PGM2: variants seen among roughly 807,000 people sequenced by gnomAD.
PGM2 encodes phosphoglucomutase 2.
PGM2 carries 57 observed loss-of-function variants against 74.6 expected under a neutral mutation model. The ratio of observed to expected loss-of-function variants is 0.76; its 90% confidence interval spans 0.62 to 0.95. The LOEUF (loss-of-function observed/expected upper bound fraction) is 0.95, where lower values mean the gene tolerates loss of function less well. PGM2 is among the 40% of genes least tolerant of loss of function. The probability of loss-of-function intolerance (pLI) is 0.00; values close to 1 mark genes in which losing one functional copy is unlikely to be tolerated. For synonymous variants in PGM2, 273 were observed against 260.7 expected, an observed-to-expected ratio of 1.05 and a Z score of -0.46; for missense variants, 706 against 741.9, an observed-to-expected ratio of 0.95 and a Z score of 0.56.
chr4:37,839,954 C>T (rs771791326), intron 5 of PGM2, 23 bp downstream of exon 5: 2 of 1,496,194 alleles, frequency 1.3e-6, no homozygotes, highest in African/African-American at 1.4e-5. Flanking sequence ...TTCTACTCCA[C>T]ACGTACATCC....
chr4:37,829,224 A>G (rs1725374412), intron 1 of PGM2, among the ~76,000 whole-genome samples: 1 of 152,162 alleles, frequency 6.6e-6, no homozygotes, highest in Non-Finnish European at 1.5e-5. Flanking sequence ...ACTTAAATGA[A>G]TCATGTTAGC....
chr4:37,848,056 A>AT (rs1577679826), intron 10 of PGM2, among the ~76,000 whole-genome samples: 1 of 152,206 alleles, frequency 6.6e-6, no homozygotes, highest in East Asian at 1.9e-4. Flanking sequence ...TTTATCAAGT[A>AT]TTAATTGCAT....
Position 37,861,849 on chromosome 4 carries a change from G to A in PGM2, c.*237G>A, listed in dbSNP as rs1360991942. 5.3e-6 allele frequency: 2 copies of A among 374,976 alleles called. No homozygotes were observed. The highest frequency in any genetic ancestry group is 4.9e-6 in the Non-Finnish European group (1 of 202,334). 23.2% of individuals were successfully genotyped at this position (374,976 alleles called of 1,614,324 possible). A position where few individuals can be genotyped will look rare whatever the true frequency, so the allele number is the denominator to read the frequency against. ...GAGCTTGGACATATTTTGAATTTTT[G>A]TAAGTGAAGATTTTTAAACTGACTA... On this transcript the variant is annotated 3_prime_UTR_variant, in exon 14 of 14. Transcript: ENST00000381967.
intron 12 of PGM2, among the ~76,000 whole-genome samples, chr4:37,852,934 G>A (rs1726092870): frequency 6.6e-6 from 1 of 152,124 alleles, no homozygotes; most frequent in Admixed American, 6.5e-5. Flanking sequence ...TATCAGGAAA[G>A]GGAGCTAATT....
chr4:37,845,940 T>C (rs1725858965), intron 8 of PGM2, among the ~76,000 whole-genome samples: 1 of 152,190 alleles, frequency 6.6e-6, no homozygotes, highest in African/African-American at 2.4e-5. Context: ...GCAAGCATAA[T>C]GCAGAGTAAA....
chr4:37,851,808 C>T (rs1726047070), intron 12 of PGM2, among the ~76,000 whole-genome samples: 2 of 152,186 alleles, frequency 1.3e-5, no homozygotes, highest in African/African-American at 4.8e-5. Flanking sequence ...TCCCCATCCT[C>T]ACAGTACGTT....
Position 37,849,404 on chromosome 4 carries a change from CTTTTTTTTTTTT to C in PGM2, c.1413-765_1413-754del, listed in dbSNP as rs34587864. Among the ~76,000 whole-genome samples the C allele has an allele frequency of 2.1e-4, 13 of 62,806 alleles. No individual in the cohort carries two copies. In the East Asian group the frequency reaches 2.1e-3, roughly 10 times the overall value. 41.2% of individuals were successfully genotyped at this position (62,806 alleles called of 152,430 possible). On this transcript the variant is annotated intron_variant, in intron 11 of 13. Transcript: ENST00000381967. ...ATCCCTGGGGTAGATTGTTGGACCT[CTTTTTTTTTTTT>C]TTTTTTTTTTTTTTGAGACGGGGTC...
At chr4:37,851,970 C>CTTTTTT (rs1553886914) in intron 12 of PGM2, among the ~76,000 whole-genome samples, 2 of 135,002 alleles carry the variant, frequency 1.5e-5, no homozygotes, top group African/African-American at 5.4e-5. Flanking sequence ...TGTTTGTTTT[C>CTTTTTT]TTTTTTTTTG....
In PGM2 at chr4:37,862,644, T is replaced by G. The variant is rs1711816813; in HGVS notation, c.*1032T>G. On this transcript the variant is annotated 3_prime_UTR_variant, in exon 14 of 14. Transcript: ENST00000381967. The stretch of plus-strand genomic sequence containing the variant: ...AGGATCAAACTTTCTTTATATACTT[T>G]ATATATTTTACATTATTTCTGATTT... The G allele has an allele frequency of 6.6e-6, 1 of 152,152 alleles. No individual in the cohort carries two copies. The highest frequency in any genetic ancestry group is 6.6e-5 in the Admixed American group (1 of 15,244). 9.4% of individuals were successfully genotyped at this position (152,152 alleles called of 1,614,324 possible).
intron 7 of PGM2, 147 bp from the exon 8 acceptor site, chr4:37,845,486 C>T (rs1276657401): frequency 1.6e-5 from 9 of 565,994 alleles, no homozygotes; most frequent in Admixed American, 3.0e-5. Context: ...TGCTAAATTT[C>T]ACTTCTGGAG....
At chr4:37,852,246 G>A (rs1054125988) in intron 12 of PGM2, among the ~76,000 whole-genome samples, 5 of 149,366 alleles carry the variant, frequency 3.3e-5, no homozygotes, top group South Asian at 4.3e-4. Context: ...GATTACAGGC[G>A]TAAGCTACTG....
intron 4 of PGM2, among the ~76,000 whole-genome samples, chr4:37,838,334 T>G (rs1725623540): frequency 6.6e-6 from 1 of 152,240 alleles, no homozygotes; most frequent in African/African-American, 2.4e-5. Flanking sequence ...AAATGTTTTA[T>G]TCTAAATACT....
intron 13 of PGM2, 82 bp downstream of exon 13, chr4:37,855,823 C>A (rs943114059): frequency 6.8e-6 from 8 of 1,175,446 alleles, no homozygotes; most frequent in South Asian, 5.6e-5. Flanking sequence ...GTGAAATGTT[C>A]CATCTTTCTA....
Position 37,850,388 on chromosome 4 carries a change from C to G in PGM2, c.1602+15C>G, listed in dbSNP as rs754273230. 72 of 1,358,886 alleles carry G rather than the reference C, an allele frequency of 5.3e-5. No individual in the cohort carries two copies. The Admixed American group carries it at 1.5e-3, about 28-fold the overall frequency. The allele number at this position is 1,358,886 out of a possible 1,614,324, so 84.2% of individuals were successfully genotyped here. A position where few individuals can be genotyped will look rare whatever the true frequency, so the allele number is the denominator to read the frequency against. The stretch of plus-strand genomic sequence containing the variant: ...ATAAAAAAGCTGTAAGTAATGTCTT[C>G]TCTTTTCAACTAACCTCTTTTCTAT... On this transcript the variant is annotated intron_variant, in intron 12 of 13. Coordinates refer to ENST00000381967, the MANE Select transcript of PGM2 (RefSeq NM_018290.4).
chr4:37,838,101 G>A (rs1332247580), intron 4 of PGM2, among the ~76,000 whole-genome samples: 1 of 152,080 alleles, frequency 6.6e-6, no homozygotes, highest in African/African-American at 2.4e-5. Context: ...CGCTAGTCTC[G>A]AACTCCTGGC....
chr4:37,857,011 A>G (rs144346163), intron 13 of PGM2, among the ~76,000 whole-genome samples: 5 of 152,264 alleles, frequency 3.3e-5, no homozygotes, highest in African/African-American at 1.2e-4. Context: ...GCATATCTCA[A>G]TTTGAATGCT....
chr4:37,849,567 C>A (rs1056660825), intron 11 of PGM2, among the ~76,000 whole-genome samples: 12 of 151,542 alleles, frequency 7.9e-5, no homozygotes, highest in Non-Finnish European at 1.5e-4. Context: ...GTCCCCACAC[C>A]TGGCTGATTT....
chr4:37,846,467 T>C (rs1387927123), intron 8 of PGM2, among the ~76,000 whole-genome samples: 1 of 152,208 alleles, frequency 6.6e-6, no homozygotes, highest in Non-Finnish European at 1.5e-5. Context: ...ACACATCTTT[T>C]CTCTGATGTT....
chr4:37,859,484 C>T (rs530822339), intron 13 of PGM2, among the ~76,000 whole-genome samples: 41 of 152,290 alleles, frequency 2.7e-4, no homozygotes, highest in Admixed American at 5.9e-4. Context: ...TTACAGTCTA[C>T]AGGTGGAATT....
Sources: allele counts gnomAD v4.1 joint callset (sites outside exome capture counted in the v4.1 genomes callset), GRCh38; gene constraint gnomAD v4.1.1; transcripts MANE v1.5; gene names NCBI Gene and HGNC (gene_info 2026-07-23, HGNC 2026-07-21).